Variants in VPS13D observed in about 807,000 individuals in gnomAD.
The protein encoded by VPS13D is intermembrane lipid transfer protein VPS13D.
VPS13D carries 187 observed loss-of-function variants against 461.9 expected under a neutral mutation model. The ratio of observed to expected loss-of-function variants is 0.40; its 90% CI spans 0.36 to 0.46. The LOEUF (loss-of-function observed/expected upper bound fraction) is 0.46, where lower values mean the gene tolerates loss of function less well. Among genes scored for constraint, VPS13D ranks in the 20% least tolerant of loss-of-function variants. The pLI is 0.60. For missense variants in VPS13D, 4,711 were observed against 5,364.9 expected (o/e 0.88, Z 3.81); for synonymous variants, 1,951 against 1,986.3 (o/e 0.98, Z 0.47).
At chr1:12,352,747 T>A (rs1308546837) in intron 46 of VPS13D, among the ~76,000 whole-genome samples, 1 of 151,892 alleles carries the variant, frequency 6.6e-6, no homozygotes, top group Non-Finnish European at 1.5e-5. Flanking sequence ...GGGGATCACC[T>A]GAAGTCAGGA....
intron 25 of VPS13D, among the ~76,000 whole-genome samples, chr1:12,300,414 G>A (rs761171907): frequency 3.3e-5 from 5 of 151,948 alleles, no homozygotes; most frequent in Non-Finnish European, 4.4e-5. Context: ...CACCATGTTG[G>A]CCAGGTTGGT....
At chr1:12,426,428 A>T (rs1255459198) in intron 65 of VPS13D, among the ~76,000 whole-genome samples, 1 of 152,218 alleles carries the variant, frequency 6.6e-6, no homozygotes, top group Non-Finnish European at 1.5e-5. Flanking sequence ...AACAACTAGG[A>T]TATCATTTTA....
intron 47 of VPS13D, 65 bp downstream of exon 47, chr1:12,354,286 T>A (rs1457764269): frequency 1.3e-6 from 2 of 1,573,214 alleles, no homozygotes; most frequent in Non-Finnish European, 1.7e-6. Flanking sequence ...TATTTTGTGA[T>A]TATTTATTTG....
At chr1:12,437,844 G>T (rs771383917) in intron 65 of VPS13D, among the ~76,000 whole-genome samples, 1 of 152,124 alleles carries the variant, frequency 6.6e-6, no homozygotes, top group Non-Finnish European at 1.5e-5. Flanking sequence ...TTTTCCCTGC[G>T]CTCAAAAATT....
intron 65 of VPS13D, among the ~76,000 whole-genome samples, chr1:12,432,814 C>CT (rs1645010330): frequency 6.6e-6 from 1 of 152,062 alleles, no homozygotes; most frequent in Non-Finnish European, 1.5e-5. Context: ...AGGCTGGTCT[C>CT]TAACTCCTGG....
intron 60 of VPS13D, among the ~76,000 whole-genome samples, chr1:12,386,616 C>T (rs1644354137): frequency 6.6e-6 from 1 of 152,172 alleles, no homozygotes; most frequent in African/African-American, 2.4e-5. Flanking sequence ...AATAGGAAGT[C>T]ATCTAACCAT....
chr1:12,439,355 T>C (rs1428533265), intron 65 of VPS13D, among the ~76,000 whole-genome samples: 1 of 152,128 alleles, frequency 6.6e-6, no homozygotes, highest in Non-Finnish European at 1.5e-5. Flanking sequence ...CCTGGAATGT[T>C]CTATGGCCAC....
chr1:12,292,262 CAAA>C (rs766212937), intron 23 of VPS13D, among the ~76,000 whole-genome samples: 3 of 12,240 alleles, frequency 2.5e-4, no homozygotes, highest in Admixed American at 1.1e-3. Flanking sequence ...AACTCCATCT[CAAA>C]AAAAAAAAAA....
chr1:12,284,155 T>TG (rs1445552584), intron 21 of VPS13D, among the ~76,000 whole-genome samples: 1 of 152,230 alleles, frequency 6.6e-6, no homozygotes, highest in African/African-American at 2.4e-5. Context: ...ATTATTTGCT[T>TG]GCATTGAGGG....
At chr1:12,427,952 A>G (rs1644943183) in intron 65 of VPS13D, among the ~76,000 whole-genome samples, 1 of 152,218 alleles carries the variant, frequency 6.6e-6, no homozygotes, top group East Asian at 1.9e-4. Flanking sequence ...TTCATTAACC[A>G]TGCTGCTATT....
intron 22 of VPS13D, among the ~76,000 whole-genome samples, chr1:12,290,695 C>A (rs1157665885): frequency 6.6e-6 from 1 of 150,822 alleles, no homozygotes; most frequent in Non-Finnish European, 1.5e-5. Context: ...TGTACTCCAG[C>A]CTGGGCGACA....
At chr1:12,280,844 C>G (rs2101375980) in intron 20 of VPS13D, among the ~76,000 whole-genome samples, 1 of 152,022 alleles carries the variant, frequency 6.6e-6, no homozygotes. Context: ...TGATGAAAAT[C>G]TTAAAAACGT....
intron 45 of VPS13D, 52 bp downstream of exon 45, chr1:12,349,025 T>G (rs1386562780): frequency 6.2e-7 from 1 of 1,610,774 alleles, no homozygotes; most frequent in Admixed American, 1.7e-5. Context: ...ACTTCTTGAC[T>G]GTTGTCAAGT....
At chr1:12,288,460 G>A in intron 22 of VPS13D, 147 bp downstream of exon 22, 1 of 698,512 alleles carries the variant, frequency 1.4e-6, no homozygotes, top group Non-Finnish European at 2.5e-6. Context: ...ATTCATGGTG[G>A]TGGTTCCCAA....
intron 30 of VPS13D, among the ~76,000 whole-genome samples, chr1:12,316,657 G>A (rs998796271): frequency 1.3e-5 from 2 of 152,196 alleles, no homozygotes; most frequent in African/African-American, 4.8e-5. Flanking sequence ...GGGGAAATGA[G>A]GAGCAGAGAA....
intron 20 of VPS13D, among the ~76,000 whole-genome samples, chr1:12,280,261 C>G (rs1382392734): frequency 6.6e-6 from 1 of 150,920 alleles, no homozygotes; most frequent in African/African-American, 2.4e-5. Flanking sequence ...TCTGGCACAA[C>G]AGTAGTTGGT....
intron 28 of VPS13D, 74 bp downstream of exon 28, chr1:12,311,699 A>G (rs563013550): frequency 6.3e-7 from 1 of 1,591,542 alleles, no homozygotes; most frequent in Non-Finnish European, 8.6e-7. Context: ...CTATTCCTCA[A>G]ACTCACTTGG....
intron 65 of VPS13D, among the ~76,000 whole-genome samples, chr1:12,427,707 A>T (rs1055557346): frequency 1.6e-4 from 25 of 152,124 alleles, no homozygotes; most frequent in African/African-American, 5.6e-4. Context: ...CTGTGGATGG[A>T]TGGTGTCTTC....
intron 1 of VPS13D, among the ~76,000 whole-genome samples, chr1:12,232,778 T>G (rs1640021875): frequency 6.6e-6 from 1 of 151,306 alleles, no homozygotes. Flanking sequence ...TCGACTAAGA[T>G]TGTTCATTGT....
Sources: allele counts gnomAD v4.1 joint callset (sites outside exome capture counted in the v4.1 genomes callset), GRCh38; gene constraint gnomAD v4.1.1; transcripts MANE v1.5; gene names NCBI Gene and HGNC (gene_info 2026-07-23, HGNC 2026-07-21).